Variants in MTNR1A observed in about 807,000 individuals in gnomAD.
MTNR1A encodes the protein melatonin receptor type 1A.
A neutral mutation model predicts 5.5 loss-of-function variants in MTNR1A; 7 were observed. That is an observed-to-expected ratio of 1.28 (90% CI 0.73 to 2.40). MTNR1A has a LOEUF of 2.40. MTNR1A is among the 30% of genes most tolerant of loss of function. The pLI is 0.00. For synonymous variants in MTNR1A, 196 were observed against 202.7 expected (o/e 0.97, Z 0.28); for missense variants, 441 against 464.4 (o/e 0.95, Z 0.46).
chr4:186,537,538 C>T (rs1736887961), intron 1 of MTNR1A, among the ~76,000 whole-genome samples: 1 of 152,166 alleles, frequency 6.6e-6, no homozygotes, highest in Admixed American at 6.5e-5. Flanking sequence ...AGTTCCAATC[C>T]TTACTGTGGC....
rs186753852 is a variant in MTNR1A at position 186,533,766 on chromosome 4, C to T, written c.976G>A (p.Asp326Asn). ...ARVFFVDSSN[D>N]VADRVKWKPS... Reference sequence around the variant, plus strand: ...TTCCATTTAACCCTATCGGCCACGTCGTTAGAGCTGTCCACAAAGAACACC... The same window carrying T: ...TTCCATTTAACCCTATCGGCCACGTTGTTAGAGCTGTCCACAAAGAACACC... Residue 326 changes from aspartate (D) to asparagine (N), a missense_variant, in exon 2 of 2, where the codon GAC becomes AAC. Coordinates refer to ENST00000307161, the MANE Select transcript of MTNR1A (RefSeq NM_005958.4). 65 of 1,614,176 alleles carry T rather than the reference C, an allele frequency of 4.0e-5. 1 individual carries two copies. In the East Asian group the frequency reaches 5.3e-4, roughly 13 times the overall value.
In MTNR1A at chr4:186,555,208, T is replaced by A. The variant is rs1031132167; in HGVS notation, c.158A>T (p.Tyr53Phe). 2 of 1,595,346 alleles carry A rather than the reference T, an allele frequency of 1.3e-6. No homozygotes were observed. Among genetic ancestry groups the A allele is most frequent in the African/African-American group, 2.7e-5 (2 of 74,600 alleles). ...LGNLLVILSV[Y>F]RNKKLRNAGN... Reference sequence around the variant, plus strand: ...TGCGTTCCTGAGCTTCTTGTTCCGATACACCGACAGGATGACCAGGAGGTT... The same window carrying A: ...TGCGTTCCTGAGCTTCTTGTTCCGAAACACCGACAGGATGACCAGGAGGTT... Residue 53 changes from tyrosine to phenylalanine, a missense_variant, in exon 1 of 2, where the codon TAT (tyrosine) becomes TTT (phenylalanine). By Grantham distance (22) the Tyr-to-Phe change is conservative. Coordinates refer to ENST00000307161, the MANE Select transcript of MTNR1A (RefSeq NM_005958.4). The surrounding 1 kb of genome is among the most constrained non-coding windows in gnomAD (Gnocchi z 4.1).
rs186079343 is a variant in MTNR1A, at chr4:186,542,207, C to T, written c.185-7650G>A. Among the ~76,000 whole-genome samples, 1,013 of 152,278 alleles carry T rather than the reference C, an allele frequency of 6.7e-3. 13 individuals carry two copies. The highest frequency in any genetic ancestry group is 0.023 in the African/African-American group (946 of 41,546). ...CCATTCCCTGGGAAAATCAGCCAGA[C>T]GCTGCTGGTAGGTGGATTACATACC... On this transcript the variant is annotated intron_variant, in intron 1 of 1. Transcript: ENST00000307161.
intron 1 of MTNR1A, among the ~76,000 whole-genome samples, chr4:186,549,035 T>G (rs1737215427): frequency 6.6e-6 from 1 of 151,098 alleles, no homozygotes; most frequent in African/African-American, 2.4e-5. Context: ...TGGCAAAAAA[T>G]CTTAAAAGTA....
At chr4:186,534,865 C>A (rs115311250) in intron 1 of MTNR1A, among the ~76,000 whole-genome samples, 2,481 of 152,298 alleles carry the variant, frequency 0.016, 38 homozygotes, top group Non-Finnish European at 0.027. Flanking sequence ...TGCTTGCACA[C>A]CATCTGTTGT....
intron 1 of MTNR1A, among the ~76,000 whole-genome samples, chr4:186,543,662 A>T (rs1306557309): frequency 6.6e-6 from 1 of 152,210 alleles, no homozygotes; most frequent in Admixed American, 6.5e-5. Context: ...TCAAATGGGG[A>T]ATGTGACTCA....
intron 1 of MTNR1A, among the ~76,000 whole-genome samples, chr4:186,545,270 G>A (rs969290482): frequency 6.6e-6 from 1 of 152,074 alleles, no homozygotes; most frequent in African/African-American, 2.4e-5. Flanking sequence ...TTACAGACAC[G>A]AGCCAACCAT....
chr4:186,545,502 A>C (rs1737121001), intron 1 of MTNR1A, among the ~76,000 whole-genome samples: 1 of 152,136 alleles, frequency 6.6e-6, no homozygotes, highest in Admixed American at 6.5e-5. Flanking sequence ...GCTCGGAAAT[A>C]ATTTGCTGAT....
chr4:186,549,226 A>AAGAG (rs76036229), intron 1 of MTNR1A, among the ~76,000 whole-genome samples: 1 of 151,986 alleles, frequency 6.6e-6, no homozygotes. Context: ...CCAAGAACAT[A>AAGAG]TTCCTAAATA....
chr4:186,548,849 A>ATATATG (rs1737212213), intron 1 of MTNR1A, among the ~76,000 whole-genome samples: 1 of 40,088 alleles, frequency 2.5e-5, no homozygotes, highest in Non-Finnish European at 4.8e-5. Context: ...ATATATATAC[A>ATATATG]CTATATATGT....
chr4:186,547,219 C>T (rs1168602225), intron 1 of MTNR1A, among the ~76,000 whole-genome samples: 1 of 82,426 alleles, frequency 1.2e-5, no homozygotes, highest in African/African-American at 4.8e-5. Flanking sequence ...ACCGTCCACA[C>T]CACACCCTGT....
At chr4:186,546,666 A>G (rs1370497114) in intron 1 of MTNR1A, among the ~76,000 whole-genome samples, 6 of 147,506 alleles carry the variant, frequency 4.1e-5, no homozygotes, top group African/African-American at 1.6e-4. Flanking sequence ...CACCCACATC[A>G]CACCCTGTTC....
chr4:186,535,693 G>A (rs2111366616), intron 1 of MTNR1A, among the ~76,000 whole-genome samples: 1 of 152,294 alleles, frequency 6.6e-6, no homozygotes, highest in East Asian at 1.9e-4. Flanking sequence ...TGGCAGGTGT[G>A]AGCCATTGCT....
In MTNR1A at chr4:186,534,259, G is replaced by C; in HGVS notation, c.483C>G (p.Pro161=). ...IWLLTLAAVL[P]NLRAGTLQYD... ...ACTGGAGAGTCCCTGCACGGAGGTT[G>C]GGCAGGACGGCCGCCAGCGTCAGGA... The change falls in exon 2 of 2, where the codon CCC becomes CCG. Residue 161 remains proline, a synonymous_variant. Coordinates refer to ENST00000307161, the MANE Select transcript of MTNR1A (RefSeq NM_005958.4). The C allele has an allele frequency of 6.2e-7, 1 of 1,614,188 alleles. No homozygotes were observed. Among genetic ancestry groups the C allele is most frequent in the Admixed American group, 1.7e-5 (1 of 60,014 alleles).
intron 1 of MTNR1A, among the ~76,000 whole-genome samples, chr4:186,553,295 G>A (rs549338063): frequency 5.3e-5 from 8 of 152,236 alleles, no homozygotes; most frequent in South Asian, 2.1e-4. Context: ...GGCTTGAACC[G>A]CACATATAAA....
chr4:186,546,294 A>G (rs1049540420), intron 1 of MTNR1A, among the ~76,000 whole-genome samples: 5 of 152,014 alleles, frequency 3.3e-5, no homozygotes, highest in African/African-American at 1.2e-4. Context: ...GCAATGGAAC[A>G]GGGGTCTCTC....
intron 1 of MTNR1A, among the ~76,000 whole-genome samples, chr4:186,553,726 G>A (rs1737309868): frequency 6.6e-6 from 1 of 152,176 alleles, no homozygotes; most frequent in Admixed American, 6.5e-5. Context: ...TTGGCCAGCT[G>A]GTCTCGAACT....
chr4:186,543,370 C>T (rs1401108315), intron 1 of MTNR1A, among the ~76,000 whole-genome samples: 2 of 152,186 alleles, frequency 1.3e-5, no homozygotes, highest in Admixed American at 1.3e-4. Context: ...GCCAGTGTCC[C>T]AGAGTGTTAG....
chr4:186,549,458 G>A (rs182047830), intron 1 of MTNR1A, among the ~76,000 whole-genome samples: 14 of 152,138 alleles, frequency 9.2e-5, no homozygotes, highest in East Asian at 5.8e-4. Context: ...CACTAATTCC[G>A]TCTCAATCTG....
Sources: allele counts gnomAD v4.1 joint callset (sites outside exome capture counted in the v4.1 genomes callset), GRCh38; gene constraint gnomAD v4.1.1; non-coding constraint Gnocchi (gnomAD v3.1); transcripts MANE v1.5; gene names NCBI Gene and HGNC (gene_info 2026-07-23, HGNC 2026-07-21).